The following AK8 variants were observed in gnomAD, a reference collection of about 807,000 sequenced individuals.
AK8 encodes adenylate kinase 8.
Under a neutral mutation model 54.6 loss-of-function variants are expected in AK8, and 44 were observed. That is an observed-to-expected ratio of 0.81 (90% CI 0.63 to 1.04). The LOEUF is 1.04. Ranked by LOEUF, AK8 falls within the 50% of genes least tolerant of loss-of-function variation. AK8 has a pLI of 0.00. For synonymous variants in AK8, 239 were observed against 245.6 expected (o/e 0.97, Z 0.25); for missense variants, 555 against 613.6 (o/e 0.90, Z 1.01).
chr9:132,854,412 G>A (rs1328346846), intron 5 of AK8, among the ~76,000 whole-genome samples: 2 of 152,132 alleles, frequency 1.3e-5, no homozygotes, highest in East Asian at 1.9e-4. Context: ...CCAGGAGGCC[G>A]GCCTCAGTGG....
chr9:132,754,295 C>T (rs1838086194), intron 11 of AK8, among the ~76,000 whole-genome samples: 1 of 152,186 alleles, frequency 6.6e-6, no homozygotes, highest in Non-Finnish European at 1.5e-5. Context: ...ATTTGCATTT[C>T]ATCATCTTTG....
chr9:132,834,966 T>C (rs1429226841), intron 5 of AK8, among the ~76,000 whole-genome samples: 1 of 151,020 alleles, frequency 6.6e-6, no homozygotes, highest in East Asian at 2.0e-4. Context: ...TCCTCCCGGG[T>C]TCAAGTGATT....
chr9:132,855,070 A>T, intron 4 of AK8, 145 bp from the exon 5 acceptor site: 1 of 742,698 alleles, frequency 1.3e-6, no homozygotes, highest in Non-Finnish European at 2.3e-6. Context: ...CACCCGCTGC[A>T]CCCTTTCCTT....
chr9:132,774,818 G>A lies in AK8; in HGVS notation c.1121+17816C>T, dbSNP rs1306308668. ...GCTTTGGAGCTCTGATTTCCATGGC[G>A]GGGAAGGCATGTTTATCTTCTCCAA... On this transcript the variant is annotated intron_variant, in intron 11 of 12. Coordinates refer to ENST00000298545, the MANE Select transcript of AK8 (RefSeq NM_152572.3). 3.9e-5 allele frequency among the ~76,000 whole-genome samples: 6 copies of A among 152,268 alleles called. No individual in the cohort carries two copies. The South Asian group carries it at 6.2e-4, about 16-fold the overall frequency.
At chr9:132,745,379 T>C in intron 11 of AK8, among the ~76,000 whole-genome samples, 1 of 152,144 alleles carries the variant, frequency 6.6e-6, no homozygotes, top group East Asian at 1.9e-4. Context: ...CTGTCACAGA[T>C]AGCCATGCAT....
At chr9:132,802,480 G>A (rs1022832132) in intron 10 of AK8, among the ~76,000 whole-genome samples, 2 of 152,154 alleles carry the variant, frequency 1.3e-5, no homozygotes, top group African/African-American at 2.4e-5. Context: ...AACCACTGCC[G>A]CCCTTGAACT....
In AK8 at chr9:132,766,227, T is replaced by C. The variant is rs936168352; in HGVS notation, c.1121+26407A>G. On this transcript the variant is annotated intron_variant, in intron 11 of 12. Transcript: ENST00000298545. ...CCCAGGTTCAAGCAATCCTCCCACCTCAGCCTCCTGAGTAGCTGGAACAAC... is the reference window on the plus strand; with the variant it reads ...CCCAGGTTCAAGCAATCCTCCCACCCCAGCCTCCTGAGTAGCTGGAACAAC... Among the ~76,000 whole-genome samples the C allele has an allele frequency of 4.4e-4, 67 of 152,304 alleles. 1 individual carries two copies. The highest frequency in any genetic ancestry group is 1.5e-3 in the African/African-American group (64 of 41,570).
At position 132,791,745 on chromosome 9, in the gene AK8, A is replaced by C. The variant is rs890208667; in HGVS notation, c.1121+889T>G. Among the ~76,000 whole-genome samples the C allele has an allele frequency of 6.6e-6, 1 of 152,230 alleles. No individual in the cohort carries two copies. The highest frequency in any genetic ancestry group is 2.4e-5 in the African/African-American group (1 of 41,464). ...ATATATAAAAAGAGAACTGGAACCCACAACCTGCAGCAACCTGCCCGGGGT... is the reference window on the plus strand; with the variant it reads ...ATATATAAAAAGAGAACTGGAACCCCCAACCTGCAGCAACCTGCCCGGGGT... On this transcript the variant is annotated intron_variant, in intron 11 of 12. Transcript: ENST00000298545. The surrounding 1 kb of genome is among the most constrained non-coding windows in gnomAD (Gnocchi z 4.0).
intron 2 of AK8, among the ~76,000 whole-genome samples, chr9:132,869,389 C>T (rs1016096001): frequency 5.3e-5 from 8 of 152,154 alleles, no homozygotes; most frequent in Non-Finnish European, 7.4e-5. Context: ...GGCATGGTGC[C>T]GCCATCAACC....
At chr9:132,739,565 T>TA (rs1472190017) in intron 11 of AK8, among the ~76,000 whole-genome samples, 32 of 138,666 alleles carry the variant, frequency 2.3e-4, no homozygotes, top group Non-Finnish European at 3.1e-5. Context: ...TAAAGAGAAA[T>TA]AAGCCAGAGT....
intron 10 of AK8, among the ~76,000 whole-genome samples, chr9:132,798,895 G>A (rs1365766243): frequency 2.6e-5 from 4 of 152,154 alleles, no homozygotes; most frequent in African/African-American, 9.7e-5. Flanking sequence ...CCACCCTCCT[G>A]TCTCGAAGGG....
At chr9:132,861,391 C>T (rs573581959) in intron 4 of AK8, 4 of 152,306 alleles carry the variant, frequency 2.6e-5, no homozygotes, top group South Asian at 2.1e-4. Flanking sequence ...TTGAGTCAAA[C>T]AAGCCACCGA....
chr9:132,800,643 T>C (rs1460584924), intron 10 of AK8, among the ~76,000 whole-genome samples: 1 of 152,192 alleles, frequency 6.6e-6, no homozygotes, highest in African/African-American at 2.4e-5. Flanking sequence ...ACGTTTAAAA[T>C]TGCCTGGCAG....
chr9:132,741,354 C>T (rs766190569), intron 11 of AK8, among the ~76,000 whole-genome samples: 3 of 152,228 alleles, frequency 2.0e-5, no homozygotes, highest in Admixed American at 6.5e-5. Flanking sequence ...GGGCACTGCA[C>T]CACGCCTTCT....
intron 11 of AK8, among the ~76,000 whole-genome samples, chr9:132,786,505 C>T (rs1839712806): frequency 6.6e-6 from 1 of 152,152 alleles, no homozygotes; most frequent in Admixed American, 6.5e-5. Flanking sequence ...GCAGCAAGGC[C>T]TTTACCCTCC....
At chr9:132,759,971 G>GA (rs35474057) in intron 11 of AK8, among the ~76,000 whole-genome samples, 127,469 of 152,128 alleles carry the variant, frequency 0.84, 53,468 homozygotes, top group Admixed American at 0.9. Context: ...CAACAATTTG[G>GA]AATTTTAATT....
At chr9:132,749,021 C>G (rs569342213) in intron 11 of AK8, among the ~76,000 whole-genome samples, 3 of 151,652 alleles carry the variant, frequency 2.0e-5, no homozygotes, top group Non-Finnish European at 4.4e-5. Flanking sequence ...ATTACAGGTA[C>G]CTGCCACCAA....
intron 11 of AK8, chr9:132,769,752 G>A (rs968131723): frequency 1.3e-5 from 2 of 152,114 alleles, no homozygotes; most frequent in East Asian, 1.9e-4. Flanking sequence ...TAATCAGATC[G>A]CTGTTAATTA....
chr9:132,877,256 C>T lies in AK8; in HGVS notation c.84+916G>A, dbSNP rs148210233. ...GTTTTAGGAATCTCTTGCTCTCCCT[C>T]TATCAGTTAACACTTTCCGAGGGAA... On this transcript the variant is annotated intron_variant, in intron 1 of 12. Coordinates refer to ENST00000298545, the MANE Select transcript of AK8 (RefSeq NM_152572.3). Among the ~76,000 whole-genome samples the T allele has an allele frequency of 1.1e-3, 161 of 152,340 alleles. 2 individuals carry two copies. Among genetic ancestry groups the T allele is most frequent in the African/African-American group, 3.6e-3 (150 of 41,584 alleles).
Sources: allele counts gnomAD v4.1 joint callset (sites outside exome capture counted in the v4.1 genomes callset), GRCh38; gene constraint gnomAD v4.1.1; non-coding constraint Gnocchi (gnomAD v3.1); transcripts MANE v1.5; gene names NCBI Gene and HGNC (gene_info 2026-07-23, HGNC 2026-07-21).